The following SLC27A2 variants were observed in gnomAD, a reference collection of about 807,000 sequenced individuals.
SLC27A2 encodes the protein solute carrier family 27 member 2.
A neutral mutation model predicts 60.0 loss-of-function variants in SLC27A2; 54 were observed. The ratio of observed to expected loss-of-function variants is 0.90; its 90% CI spans 0.72 to 1.13. SLC27A2 has a LOEUF of 1.13. Ranked by LOEUF, SLC27A2 falls within the 50% of genes most tolerant of loss-of-function variation. The pLI, the probability that SLC27A2 is intolerant of heterozygous loss-of-function variation, is 0.00. For synonymous variants in SLC27A2, 297 were observed against 297.6 expected (o/e 1.00, Z 0.02); for missense variants, 739 against 777.6 (o/e 0.95, Z 0.59).
chr15:50,193,096 G>C (rs1484168838), intron 1 of SLC27A2, among the ~76,000 whole-genome samples: 1 of 152,092 alleles, frequency 6.6e-6, no homozygotes, highest in Non-Finnish European at 1.5e-5. Flanking sequence ...CAGGCCCCAG[G>C]CTGCGTTGGC....
At chr15:50,185,914 C>A (rs2044917972) in intron 1 of SLC27A2, among the ~76,000 whole-genome samples, 1 of 151,882 alleles carries the variant, frequency 6.6e-6, no homozygotes, top group Non-Finnish European at 1.5e-5. Context: ...CAGGCGTGAG[C>A]CACCACGCCT....
chr15:50,235,594 A>G (rs748107011), intron 9 of SLC27A2, among the ~76,000 whole-genome samples: 2 of 152,250 alleles, frequency 1.3e-5, no homozygotes, highest in East Asian at 3.8e-4. Flanking sequence ...ACTTCGCTAG[A>G]AAATGTAAAG....
chr15:50,233,334 C>G (rs1401282004), intron 8 of SLC27A2, among the ~76,000 whole-genome samples: 1 of 152,198 alleles, frequency 6.6e-6, no homozygotes, highest in East Asian at 1.9e-4. Flanking sequence ...CTCAGTAAGT[C>G]ATGCATGGAG....
chr15:50,211,590 T>G (rs1424252211), intron 4 of SLC27A2, among the ~76,000 whole-genome samples: 1 of 151,976 alleles, frequency 6.6e-6, no homozygotes, highest in East Asian at 1.9e-4. Flanking sequence ...CCCCAAAAGA[T>G]CACACTAGTT....
At chr15:50,189,022 G>GATAGATAC (rs1555500203) in intron 1 of SLC27A2, among the ~76,000 whole-genome samples, 2 of 150,200 alleles carry the variant, frequency 1.3e-5, no homozygotes, top group Non-Finnish European at 3.0e-5. Flanking sequence ...TAGATAGATA[G>GATAGATAC]ATAGATGCAT....
At position 50,236,167 on chromosome 15, in the gene SLC27A2, T is replaced by G; in HGVS notation, c.*71T>G. Reference sequence around the variant, plus strand: ...GGACAGCCACTTGATATAATCCAACTTTAATTTGATTGAAGATTGTGAGGA... The same window carrying G: ...GGACAGCCACTTGATATAATCCAACGTTAATTTGATTGAAGATTGTGAGGA... On this transcript the variant is annotated 3_prime_UTR_variant, in exon 10 of 10. Transcript: ENST00000267842. 16 of 1,299,750 alleles carry G rather than the reference T, an allele frequency of 1.2e-5. No individual in the cohort carries two copies. Among genetic ancestry groups the G allele is most frequent in the Non-Finnish European group, 1.6e-5 (15 of 960,412 alleles). The allele number at this position is 1,299,750 out of a possible 1,614,324, so 80.5% of individuals were successfully genotyped here. A position where few individuals can be genotyped will look rare whatever the true frequency, so the allele number is the denominator to read the frequency against.
Position 50,229,043 on chromosome 15 carries a change from G to GT in SLC27A2, c.1555+2dup. On this transcript the variant is annotated splice_donor_variant, in intron 8 of 9. Coordinates refer to ENST00000267842, the MANE Select transcript of SLC27A2 (RefSeq NM_003645.4). LOFTEE classifies it high-confidence loss of function. ...AATGTTTATGGAGTGCATGTGCCAG[G>GT]TATATACAAGATATGATCTGTACCT... 6.3e-7 allele frequency: 1 copy of GT among 1,590,236 alleles called. No individual in the cohort carries two copies.
intron 3 of SLC27A2, among the ~76,000 whole-genome samples, chr15:50,203,641 CACAT>C (rs1355238682): frequency 2.0e-5 from 3 of 152,036 alleles, no homozygotes; most frequent in Non-Finnish European, 4.4e-5. Flanking sequence ...TATATACACA[CACAT>C]ATATGCGTGT....
chr15:50,203,739 A>G (rs1168484924), intron 3 of SLC27A2, among the ~76,000 whole-genome samples: 3 of 152,142 alleles, frequency 2.0e-5, no homozygotes, highest in African/African-American at 7.2e-5. Flanking sequence ...ATATGATGGT[A>G]TTAGCAGGTA....
At chr15:50,212,441 A>G (rs530001369) in intron 4 of SLC27A2, among the ~76,000 whole-genome samples, 1 of 152,370 alleles carries the variant, frequency 6.6e-6, no homozygotes, top group Non-Finnish European at 1.5e-5. Context: ...AGCACAAAGA[A>G]CACCTGGGAA....
intron 1 of SLC27A2, among the ~76,000 whole-genome samples, chr15:50,196,794 A>T (rs2045027288): frequency 6.6e-6 from 1 of 152,168 alleles, no homozygotes; most frequent in South Asian, 2.1e-4. Flanking sequence ...TGAAATTTAG[A>T]GCTTATTTCT....
At chr15:50,232,247 G>A (rs751880709) in intron 8 of SLC27A2, among the ~76,000 whole-genome samples, 1 of 152,172 alleles carries the variant, frequency 6.6e-6, no homozygotes, top group East Asian at 1.9e-4. Context: ...ACTTTTTCTA[G>A]GTGTCACACC....
intron 4 of SLC27A2, among the ~76,000 whole-genome samples, chr15:50,211,945 C>T (rs1471522801): frequency 1.3e-5 from 2 of 151,402 alleles, no homozygotes; most frequent in African/African-American, 4.9e-5. Flanking sequence ...GTGGCAGGCA[C>T]CTGTAGTCCC....
rs776085924 is a variant in SLC27A2, at chr15:50,182,846, C to A, written c.419C>A (p.Ala140Glu). 3 of 1,613,236 alleles carry A rather than the reference C, an allele frequency of 1.9e-6. No individual in the cohort carries two copies. The highest frequency in any genetic ancestry group is 2.5e-6 in the Non-Finnish European group (3 of 1,179,958). The change falls in exon 1 of 10, where the codon GCG becomes GAG. Residue 140 changes from alanine to glutamate, a missense_variant. Transcript: ENST00000267842. ...AMACLNYNIR[A>E]KSLLHCFQCC... ...GCGTGCCTCAATTACAACATCCGCGCGAAGTCCCTGCTGCACTGCTTCCAG... is the reference window on the plus strand; with the variant it reads ...GCGTGCCTCAATTACAACATCCGCGAGAAGTCCCTGCTGCACTGCTTCCAG...
In SLC27A2 at chr15:50,226,055, G is replaced by A; in HGVS notation, c.1235G>A (p.Gly412Glu). The A allele has an allele frequency of 6.2e-7, 1 of 1,610,490 alleles. No homozygotes were observed. The highest frequency in any genetic ancestry group is 1.1e-5 in the South Asian group (1 of 91,010). The change falls in exon 6 of 10, where the codon GGA becomes GAA. Residue 412 changes from glycine (G) to glutamate (E), a missense_variant. Gly to Glu is a moderately conservative substitution (Grantham distance 98). Transcript: ENST00000267842. ...GATGAACCTGTCCGTGATGAAAATG[G>A]ATATTGCGTCAGAGTTCCCAAAGGT... ...EKDEPVRDENGYCVRVPKGEV... is the reference protein window; with the variant it reads ...EKDEPVRDENEYCVRVPKGEV...
chr15:50,187,491 G>C (rs2044934022), intron 1 of SLC27A2, among the ~76,000 whole-genome samples: 1 of 152,140 alleles, frequency 6.6e-6, no homozygotes, highest in African/African-American at 2.4e-5. Flanking sequence ...CTAGCATCAA[G>C]ACCATCAATA....
chr15:50,192,706 G>A (rs560043812), intron 1 of SLC27A2, among the ~76,000 whole-genome samples: 5 of 149,386 alleles, frequency 3.3e-5, no homozygotes, highest in East Asian at 3.9e-4. Context: ...CACCACATCC[G>A]GCTAATATTT....
intron 8 of SLC27A2, among the ~76,000 whole-genome samples, chr15:50,230,001 C>T (rs780822760): frequency 2.6e-5 from 4 of 151,914 alleles, no homozygotes; most frequent in East Asian, 1.9e-4. Context: ...TTTGGGAGGC[C>T]GAGACGGGCA....
chr15:50,208,586 T>C (rs1241376382), intron 4 of SLC27A2, among the ~76,000 whole-genome samples: 3 of 152,130 alleles, frequency 2.0e-5, no homozygotes. Context: ...TGCCTAACAG[T>C]GTGTAGCTCA....
Sources: gnomAD v4.1 joint callset for allele counts (sites outside exome capture counted in the v4.1 genomes callset) on GRCh38, gnomAD v4.1.1 for gene constraint, MANE v1.5 for transcripts, NCBI Gene and HGNC (gene_info 2026-07-23, HGNC 2026-07-21) for gene names.